The following SEMA6D variants were observed in gnomAD, a reference collection of about 807,000 sequenced individuals.
SEMA6D encodes the protein semaphorin 6D.
In SEMA6D, 35 loss-of-function variants were observed where a neutral mutation model predicts 106.6. That is an observed-to-expected ratio of 0.33 (90% CI 0.25 to 0.44). The LOEUF is 0.44. Ranked by LOEUF, SEMA6D falls within the 20% of genes least tolerant of loss-of-function variation. SEMA6D has a pLI of 1.00. For missense variants in SEMA6D, 1,185 were observed against 1,345.9 expected (o/e 0.88, Z 1.87); for synonymous variants, 499 against 487.7 (o/e 1.02, Z -0.31).
chr15:47,258,278 G>A (rs769034948), intron 1 of SEMA6D, among the ~76,000 whole-genome samples: 2 of 152,104 alleles, frequency 1.3e-5, no homozygotes, highest in Non-Finnish European at 2.9e-5. Context: ...TGTTAGAACC[G>A]AATATATTTT....
chr15:47,587,864 T>C (rs1342412777), intron 3 of SEMA6D, among the ~76,000 whole-genome samples: 3 of 152,040 alleles, frequency 2.0e-5, no homozygotes, highest in Non-Finnish European at 2.9e-5. Context: ...CTGAATCTCC[T>C]CCCCTTTCTC....
At position 47,674,145 on chromosome 15, in the gene SEMA6D, T is replaced by C. The variant is rs555540898; in HGVS notation, c.-55+73249T>C. ...CTCAGATCAAGTGCCCCAGACCCCC[T>C]TGGGTCTGAGCCCAATTAAAATGAA... is the stretch of plus-strand genomic sequence containing the variant. On this transcript the variant is annotated intron_variant, in intron 4 of 19. Coordinates refer to the SEMA6D transcript ENST00000558014. Among the ~76,000 whole-genome samples, 6 of 152,250 alleles carry C rather than the reference T, an allele frequency of 3.9e-5. No homozygotes were observed. In the South Asian group the frequency reaches 1.0e-3, roughly 26 times the overall value.
At chr15:47,581,772 G>A (rs564204832) in intron 3 of SEMA6D, among the ~76,000 whole-genome samples, 8 of 152,288 alleles carry the variant, frequency 5.3e-5, no homozygotes, top group African/African-American at 1.9e-4. Context: ...AGAAGCCACT[G>A]GAGGACTTTT....
chr15:47,260,357 A>G (rs570329170), intron 1 of SEMA6D, among the ~76,000 whole-genome samples: 4 of 152,198 alleles, frequency 2.6e-5, no homozygotes, highest in African/African-American at 9.6e-5. Context: ...TATAGGTTTA[A>G]CATGCAGGTT....
At chr15:47,740,096 A>G (rs2080712065) in intron 1 of SEMA6D, among the ~76,000 whole-genome samples, 1 of 152,234 alleles carries the variant, frequency 6.6e-6, no homozygotes, top group Non-Finnish European at 1.5e-5. Context: ...ATATGAGGGT[A>G]CTTATCCTCC....
intron 1 of SEMA6D, among the ~76,000 whole-genome samples, chr15:47,229,663 C>T (rs1314700746): frequency 6.6e-6 from 1 of 152,124 alleles, no homozygotes; most frequent in Non-Finnish European, 1.5e-5. Context: ...GTCTGCAGGA[C>T]TAGCTGAAGT....
chr15:47,435,392 T>G (rs1178536726), intron 2 of SEMA6D, among the ~76,000 whole-genome samples: 1 of 152,118 alleles, frequency 6.6e-6, no homozygotes, highest in Non-Finnish European at 1.5e-5. Flanking sequence ...AAAATTTGGC[T>G]TCCTAGAATG....
At chr15:47,677,650 C>T (rs2078272482) in intron 4 of SEMA6D, among the ~76,000 whole-genome samples, 1 of 152,108 alleles carries the variant, frequency 6.6e-6, no homozygotes, top group South Asian at 2.1e-4. Flanking sequence ...AGATGCTTTC[C>T]CTCTCTGAGC....
intron 1 of SEMA6D, chr15:47,393,181 A>ATCAG (rs2040097727): frequency 1.3e-5 from 2 of 151,958 alleles, no homozygotes; most frequent in African/African-American, 4.8e-5. Context: ...CATAATCACA[A>ATCAG]TCTTATCCTT....
chr15:47,618,587 T>C (rs1305259086), intron 4 of SEMA6D, among the ~76,000 whole-genome samples: 3 of 152,246 alleles, frequency 2.0e-5, no homozygotes, highest in Non-Finnish European at 2.9e-5. Context: ...GATTTTTGTG[T>C]GTTTTTCCCA....
chr15:47,499,552 G>A (rs766780451), intron 3 of SEMA6D, among the ~76,000 whole-genome samples: 3 of 152,020 alleles, frequency 2.0e-5, no homozygotes, highest in African/African-American at 4.8e-5. Context: ...GCTTTATAAA[G>A]TATGATGACT....
intron 8 of SEMA6D, 32 bp from the exon 9 acceptor site, chr15:47,762,984 A>T (rs1185160104): frequency 1.3e-6 from 2 of 1,533,630 alleles, no homozygotes; most frequent in Non-Finnish European, 1.8e-6. Context: ...ATTATCCTTT[A>T]GGAACCAGTT....
chr15:47,520,120 A>G (rs1480205513), intron 3 of SEMA6D, among the ~76,000 whole-genome samples: 1 of 152,250 alleles, frequency 6.6e-6, no homozygotes, highest in Non-Finnish European at 1.5e-5. Context: ...GGGCATGTGC[A>G]GTTCTATGTC....
At chr15:47,281,882 AT>A (rs1038216259) in intron 1 of SEMA6D, among the ~76,000 whole-genome samples, 11 of 152,226 alleles carry the variant, frequency 7.2e-5, no homozygotes, top group Middle Eastern at 3.4e-3. Context: ...AAATATAGAT[AT>A]TTTTATCCCA....
intron 2 of SEMA6D, among the ~76,000 whole-genome samples, chr15:47,424,289 A>T (rs1567069927): frequency 1.3e-5 from 2 of 152,096 alleles, no homozygotes; most frequent in Admixed American, 1.3e-4. Context: ...GGAAATTTAA[A>T]GAGAAGGATT....
At chr15:47,504,996 G>A (rs1347464724) in intron 3 of SEMA6D, among the ~76,000 whole-genome samples, 1 of 152,108 alleles carries the variant, frequency 6.6e-6, no homozygotes, top group Non-Finnish European at 1.5e-5. Flanking sequence ...TCTGAGCCTG[G>A]AGAGACTCGG....
rs879892605 is a variant in SEMA6D at position 47,479,567 on chromosome 15, G to T, written c.-87+9022G>T. ...TTTATGAGGTTGTCTTCAAGAGGGT[G>T]GAGGCAATCCCATTTGTATTATGTC... On this transcript the variant is annotated intron_variant, in intron 3 of 19. Coordinates refer to the SEMA6D transcript ENST00000558014. 2.6e-5 allele frequency among the ~76,000 whole-genome samples: 4 copies of T among 152,152 alleles called. No individual in the cohort carries two copies. The South Asian group carries it at 8.3e-4, about 32-fold the overall frequency.
At chr15:47,589,016 A>G (rs918500089) in intron 3 of SEMA6D, among the ~76,000 whole-genome samples, 2 of 152,166 alleles carry the variant, frequency 1.3e-5, no homozygotes, top group African/African-American at 4.8e-5. Context: ...ACCCCCAACA[A>G]AGGATTATCC....
At chr15:47,569,869 T>A (rs1192869777) in intron 3 of SEMA6D, among the ~76,000 whole-genome samples, 1 of 152,100 alleles carries the variant, frequency 6.6e-6, no homozygotes, top group East Asian at 1.9e-4. Flanking sequence ...AAGACCAGCC[T>A]GGCCAACATG....
Sources: gnomAD v4.1 joint callset for allele counts (sites outside exome capture counted in the v4.1 genomes callset) on GRCh38, gnomAD v4.1.1 for gene constraint, MANE v1.5 for transcripts, NCBI Gene and HGNC (gene_info 2026-07-23, HGNC 2026-07-21) for gene names.